DENND2B: variants seen among roughly 807,000 people sequenced by gnomAD.
DENND2B encodes the protein DENN domain-containing protein 2B.
A neutral mutation model predicts 116.0 loss-of-function variants in DENND2B; 32 were observed. That is an observed-to-expected ratio of 0.28 (90% CI 0.21 to 0.37). DENND2B has a LOEUF of 0.37. Ranked by LOEUF, DENND2B falls within the 10% of genes least tolerant of loss-of-function variation. The pLI, the probability that DENND2B is intolerant of heterozygous loss-of-function variation, is 1.00. For synonymous variants in DENND2B, 588 were observed against 583.9 expected (o/e 1.01, Z -0.10); for missense variants, 1,276 against 1,477.7 (o/e 0.86, Z 2.24).
Position 8,711,688 on chromosome 11 carries a change from A to G in DENND2B, c.2173-457T>C, listed in dbSNP as rs547292701. Among the ~76,000 whole-genome samples the G allele has an allele frequency of 1.4e-3, 206 of 152,148 alleles. 1 individual carries two copies. Among genetic ancestry groups the G allele is most frequent in the African/African-American group, 4.8e-3 (199 of 41,520 alleles). On this transcript the variant is annotated intron_variant, in intron 9 of 19. Coordinates refer to ENST00000313726, the MANE Select transcript of DENND2B (RefSeq NM_213618.2). ...TTCGAGACCAGCCTGACCAACATGG[A>G]GAAACCCCATCGCTACTAAAAATAC...
chr11:8,853,112 C>T (rs537287657), intron 3 of DENND2B, among the ~76,000 whole-genome samples: 61 of 152,198 alleles, frequency 4.0e-4, no homozygotes, highest in African/African-American at 1.4e-3. Flanking sequence ...GCCTGTAATC[C>T]CAGCACTTAG....
upstream of DENND2B, among the ~76,000 whole-genome samples, chr11:8,814,422 C>T (rs529230520): frequency 3.9e-5 from 6 of 152,240 alleles, no homozygotes; most frequent in South Asian, 1.2e-3. Context: ...ACACTTCCTG[C>T]CCTTCCCTGT....
At chr11:8,706,028 T>G (rs555498923) in intron 13 of DENND2B, among the ~76,000 whole-genome samples, 11 of 152,312 alleles carry the variant, frequency 7.2e-5, no homozygotes, top group African/African-American at 2.6e-4. Flanking sequence ...GAGGATTGCT[T>G]GAGTCCAGGA....
chr11:8,712,118 G>A lies in DENND2B; in HGVS notation c.2172+433C>T, dbSNP rs1176346868. The A allele has an allele frequency of 2.5e-6, 1 of 400,612 alleles. No homozygotes were observed. The highest frequency in any genetic ancestry group is 2.1e-5 in the African/African-American group (1 of 48,570). The allele number at this position is 400,612 out of a possible 1,614,324, so 24.8% of individuals were successfully genotyped here. On this transcript the variant is annotated intron_variant, in intron 9 of 19. Coordinates refer to ENST00000313726, the MANE Select transcript of DENND2B (RefSeq NM_213618.2). The surrounding 1 kb of genome is among the most constrained non-coding windows in gnomAD (Gnocchi z 4.4). ...GCCAGGCTGGCTGGCGACAAGCAGG[G>A]AAGGCGGAGTGAGAGACAGGCTGGT...
At chr11:8,808,566 G>C (rs1453600318) in intron 1 of DENND2B, 1 of 152,158 alleles carries the variant, frequency 6.6e-6, no homozygotes, top group East Asian at 1.9e-4. Context: ...TTTTTCTCAT[G>C]TTTACTTATA....
chr11:8,698,166 A>AAAGG (rs1555092981), intron 16 of DENND2B, among the ~76,000 whole-genome samples: 11 of 129,446 alleles, frequency 8.5e-5, no homozygotes, highest in South Asian at 2.6e-4. Flanking sequence ...AAAAAAAAAA[A>AAAGG]GGGGGTAGAG....
chr11:8,877,089 G>T (rs1163851929), intron 2 of DENND2B, among the ~76,000 whole-genome samples: 23 of 143,268 alleles, frequency 1.6e-4, no homozygotes, highest in African/African-American at 5.6e-4. Flanking sequence ...TCTCTCATGG[G>T]CTTGAAGATA....
intron 4 of DENND2B, chr11:8,718,614 T>C (rs904334597): frequency 7.5e-7 from 1 of 1,337,416 alleles, no homozygotes; most frequent in African/African-American, 1.5e-5. Flanking sequence ...ACACTCCCCT[T>C]TTGGAACAAA....
intron 4 of DENND2B, among the ~76,000 whole-genome samples, chr11:8,823,744 T>C (rs1043466122): frequency 2.6e-5 from 4 of 152,212 alleles, no homozygotes; most frequent in African/African-American, 7.2e-5. Context: ...TTCTTTCTCA[T>C]ATAAATTACC....
chr11:8,866,238 C>T (rs1245534185), intron 2 of DENND2B, among the ~76,000 whole-genome samples: 1 of 152,214 alleles, frequency 6.6e-6, no homozygotes, highest in Non-Finnish European at 1.5e-5. Flanking sequence ...GGATTACAGG[C>T]GTGAGCCACC....
At chr11:8,908,508 A>G (rs904133756) in intron 1 of DENND2B, among the ~76,000 whole-genome samples, 6 of 152,220 alleles carry the variant, frequency 3.9e-5, no homozygotes, top group African/African-American at 1.4e-4. Context: ...TGATATTCAC[A>G]ATAACCCTAT....
chr11:8,804,707 G>A (rs2060687381), intron 1 of DENND2B, among the ~76,000 whole-genome samples: 1 of 151,910 alleles, frequency 6.6e-6, no homozygotes, highest in Admixed American at 6.6e-5. Flanking sequence ...ACTATGCCCG[G>A]CCAGTTTTTG....
chr11:8,700,754 GACTT>G (rs1320610671), intron 14 of DENND2B, among the ~76,000 whole-genome samples: 5 of 152,086 alleles, frequency 3.3e-5, no homozygotes, highest in Non-Finnish European at 7.4e-5. Flanking sequence ...GTTGTTGTAG[GACTT>G]ACTAAGAAAT....
intron 3 of DENND2B, among the ~76,000 whole-genome samples, chr11:8,850,299 C>A (rs1263107029): frequency 6.6e-6 from 1 of 151,980 alleles, no homozygotes; most frequent in Non-Finnish European, 1.5e-5. Context: ...TATAAAACTG[C>A]TTGATCTGAT....
chr11:8,874,912 G>A (rs1255933195), upstream of DENND2B, among the ~76,000 whole-genome samples: 1 of 152,116 alleles, frequency 6.6e-6, no homozygotes, highest in Non-Finnish European at 1.5e-5. Flanking sequence ...GCGGCAAAGT[G>A]AGACCCTGTC....
At chr11:8,766,175 G>A (rs1478116496) in intron 1 of DENND2B, among the ~76,000 whole-genome samples, 1 of 152,136 alleles carries the variant, frequency 6.6e-6, no homozygotes, top group Non-Finnish European at 1.5e-5. Context: ...TTAAGTCTCT[G>A]TTCATGGAGC....
At chr11:8,872,465 C>T (rs2063796223), upstream of DENND2B, among the ~76,000 whole-genome samples, 3 of 127,476 alleles carry the variant, frequency 2.4e-5, no homozygotes, top group South Asian at 4.9e-4. Context: ...CCAGCCTGGG[C>T]AACAGAGTGA....
intron 4 of DENND2B, among the ~76,000 whole-genome samples, chr11:8,723,575 AAGG>A (rs1165939471): frequency 6.6e-6 from 1 of 152,162 alleles, no homozygotes; most frequent in Non-Finnish European, 1.5e-5. Flanking sequence ...AGTCTTGCAT[AAGG>A]AGGTGAGAAA....
At chr11:8,755,398 TC>T (rs2053439733) in intron 1 of DENND2B, among the ~76,000 whole-genome samples, 1 of 152,220 alleles carries the variant, frequency 6.6e-6, no homozygotes, top group African/African-American at 2.4e-5. Context: ...TATACTTCCT[TC>T]CTAATCTCAA....
Sources: allele counts gnomAD v4.1 joint callset (sites outside exome capture counted in the v4.1 genomes callset), GRCh38; gene constraint gnomAD v4.1.1; non-coding constraint Gnocchi (gnomAD v3.1); transcripts MANE v1.5; gene names NCBI Gene and HGNC (gene_info 2026-07-23, HGNC 2026-07-21).